Variants in WDR41 observed in about 807,000 individuals in gnomAD.
The protein encoded by WDR41 is WD repeat domain 41.
In WDR41, 63 loss-of-function variants were observed where a neutral mutation model predicts 69.3. That is an observed-to-expected ratio of 0.91 (90% CI 0.74 to 1.12). WDR41 has a LOEUF of 1.12. WDR41 is among the 50% of genes most tolerant of loss of function. The pLI is 0.00. For synonymous variants in WDR41, 185 were observed against 192.1 expected, an observed-to-expected ratio of 0.96 and a Z score of 0.31; for missense variants, 543 against 534.5, an observed-to-expected ratio of 1.02 and a Z score of -0.16.
intron 1 of WDR41, among the ~76,000 whole-genome samples, chr5:77,609,308 C>T (rs950069242): frequency 5.9e-5 from 9 of 152,180 alleles, no homozygotes; most frequent in African/African-American, 2.2e-4. Flanking sequence ...AGCAGTGGTT[C>T]TCCCAGCACG....
chr5:77,461,709 G>A (rs1256010273), intron 4 of WDR41, among the ~76,000 whole-genome samples: 1 of 151,980 alleles, frequency 6.6e-6, no homozygotes, highest in Non-Finnish European at 1.5e-5. Flanking sequence ...GTGGTGGCAG[G>A]CGCCTGTAGT....
At chr5:77,491,981 G>C (rs1801815149) in intron 1 of WDR41, 189 bp downstream of exon 1, 11 of 659,586 alleles carry the variant, frequency 1.7e-5, no homozygotes, top group East Asian at 3.2e-5. Flanking sequence ...GGGTCCCGCC[G>C]GGTCTGAGGA....
intron 1 of WDR41, among the ~76,000 whole-genome samples, chr5:77,526,105 C>T (rs1802442487): frequency 6.6e-6 from 1 of 152,142 alleles, no homozygotes; most frequent in Admixed American, 6.5e-5. Context: ...TAACTATACA[C>T]TAAAATAGAG....
At chr5:77,555,186 C>CTGGTTGTAATACTA (rs1388458588) in intron 1 of WDR41, among the ~76,000 whole-genome samples, 2 of 151,940 alleles carry the variant, frequency 1.3e-5, no homozygotes, top group Non-Finnish European at 2.9e-5. Context: ...TATTAATTTT[C>CTGGTTGTAATACTA]TGGTTGTAAT....
At chr5:77,444,528 C>G (rs1042197343) in intron 8 of WDR41, among the ~76,000 whole-genome samples, 1 of 152,208 alleles carries the variant, frequency 6.6e-6, no homozygotes, top group Non-Finnish European at 1.5e-5. Flanking sequence ...ATCTGGTATT[C>G]ATTATCCACA....
At chr5:77,548,904 TA>T (rs953824774) in intron 1 of WDR41, among the ~76,000 whole-genome samples, 7 of 151,866 alleles carry the variant, frequency 4.6e-5, no homozygotes, top group East Asian at 1.9e-4. Flanking sequence ...AATGAGTGGA[TA>T]AAAAAAACTG....
intron 2 of WDR41, among the ~76,000 whole-genome samples, chr5:77,471,761 G>C (rs1490086318): frequency 1.3e-5 from 2 of 151,972 alleles, no homozygotes; most frequent in African/African-American, 4.8e-5. Context: ...CCAATAACAG[G>C]ATCTGAAATT....
chr5:77,567,546 T>C (rs1743656314), intron 1 of WDR41, among the ~76,000 whole-genome samples: 1 of 151,762 alleles, frequency 6.6e-6, no homozygotes, highest in Non-Finnish European at 1.5e-5. Context: ...AAACCCCTCA[T>C]TCTCAAGCAG....
At chr5:77,583,804 C>T (rs1377760446) in intron 1 of WDR41, among the ~76,000 whole-genome samples, 1 of 151,978 alleles carries the variant, frequency 6.6e-6, no homozygotes, top group African/African-American at 2.4e-5. Flanking sequence ...AAAGACATCA[C>T]AGGAAATGAA....
intron 1 of WDR41, among the ~76,000 whole-genome samples, chr5:77,501,199 G>A (rs1802013371): frequency 6.6e-6 from 1 of 152,248 alleles, no homozygotes; most frequent in Admixed American, 6.5e-5. Flanking sequence ...CAAGGTCTTA[G>A]CCACTGGCAG....
At chr5:77,441,425 G>A (rs1799161414) in intron 8 of WDR41, among the ~76,000 whole-genome samples, 1 of 152,082 alleles carries the variant, frequency 6.6e-6, no homozygotes, top group Non-Finnish European at 1.5e-5. Flanking sequence ...GGGGTGCCAG[G>A]GGAAGAGATC....
intron 1 of WDR41, among the ~76,000 whole-genome samples, chr5:77,619,937 T>TAAAGAGGGGACACTAAGG (rs1413108603): frequency 1.3e-5 from 2 of 152,044 alleles, no homozygotes; most frequent in African/African-American, 4.8e-5. Flanking sequence ...AGATGATGTT[T>TAAAGAGGGGACACTAAGG]AAAGAGGGGA....
chr5:77,567,108 G>A (rs13436608), intron 1 of WDR41, among the ~76,000 whole-genome samples: 28,045 of 151,904 alleles, frequency 0.18, 2,904 homozygotes, highest in Admixed American at 0.24. Context: ...CACTGATATC[G>A]GCTTCCACAT....
At chr5:77,492,137 G>C (rs755030285) in intron 1 of WDR41, 33 bp downstream of exon 1, 2 of 1,601,822 alleles carry the variant, frequency 1.2e-6, no homozygotes, top group South Asian at 1.1e-5. Context: ...CAGCAAGCTC[G>C]ACGGACGCAG....
intron 1 of WDR41, among the ~76,000 whole-genome samples, chr5:77,602,890 T>C (rs182259255): frequency 6.6e-6 from 1 of 152,224 alleles, no homozygotes; most frequent in Admixed American, 6.5e-5. Context: ...CAACCATCTA[T>C]AAGAGTTCCC....
intron 11 of WDR41, among the ~76,000 whole-genome samples, chr5:77,436,645 T>G (rs1454925464): frequency 6.6e-6 from 1 of 152,074 alleles, no homozygotes; most frequent in African/African-American, 2.4e-5. Context: ...AAAAAGACAC[T>G]TGGAATAAAA....
At chr5:77,614,851 G>A (rs1266647010) in intron 1 of WDR41, among the ~76,000 whole-genome samples, 1 of 151,812 alleles carries the variant, frequency 6.6e-6, no homozygotes, top group Non-Finnish European at 1.5e-5. Context: ...AAAGGAACAA[G>A]TTAAATGACA....
intron 1 of WDR41, among the ~76,000 whole-genome samples, chr5:77,597,770 G>C (rs781279577): frequency 6.6e-6 from 1 of 152,088 alleles, no homozygotes; most frequent in Non-Finnish European, 1.5e-5. Flanking sequence ...CCTACACAAA[G>C]AATAAGCTTA....
intron 1 of WDR41, among the ~76,000 whole-genome samples, chr5:77,531,084 C>T (rs749740826): frequency 2.0e-4 from 30 of 151,746 alleles, no homozygotes; most frequent in Non-Finnish European, 3.4e-4. Context: ...ATCTTCATGA[C>T]CTCAGATTTA....
Sources: allele counts gnomAD v4.1 joint callset (sites outside exome capture counted in the v4.1 genomes callset), GRCh38; gene constraint gnomAD v4.1.1; transcripts MANE v1.5; gene names NCBI Gene and HGNC (gene_info 2026-07-23, HGNC 2026-07-21).